The following ATP2A3 variants were observed in gnomAD, a reference collection of about 807,000 sequenced individuals.
ATP2A3 encodes sarcoplasmic/endoplasmic reticulum calcium ATPase 3.
Under a neutral mutation model 106.8 loss-of-function variants are expected in ATP2A3, and 61 were observed. The observed-to-expected ratio is 0.57, with a 90% CI of 0.46 to 0.71. The LOEUF (loss-of-function observed/expected upper bound fraction) is 0.71. Ranked by LOEUF, ATP2A3 falls within the 30% of genes least tolerant of loss-of-function variation. The pLI is 0.00. For missense variants in ATP2A3, 1,201 were observed against 1,423.5 expected, an observed-to-expected ratio of 0.84 and a Z score of 2.52; for synonymous variants, 611 against 609.3, an observed-to-expected ratio of 1.00 and a Z score of -0.04.
rs748026722 is a variant in ATP2A3 at position 3,943,411 on chromosome 17, G to A, written c.1399C>T (p.Arg467Ter). ...TDLQALSRVE[R>*]AGACNTVIKQ... is the part of the protein sequence containing the mutation. ...CTCACCGTGTTACAGGCGCCAGCTC[G>A]CTCCACCCGGGACAGAGCCTGCAGG... Residue 467 changes from arginine (R) to a stop codon, truncating the protein, a stop_gained, in exon 11 of 21, where the codon CGA becomes TGA. Coordinates refer to ENST00000397041, the MANE Select transcript of ATP2A3 (RefSeq NM_005173.4). LOFTEE classifies it high-confidence loss of function. 12 of 1,613,776 alleles carry A rather than the reference G, an allele frequency of 7.4e-6. No homozygotes were observed. The highest frequency in any genetic ancestry group is 1.0e-5 in the Non-Finnish European group (12 of 1,179,966).
At chr17:3,945,233 C>A in intron 8 of ATP2A3, 85 bp from the exon 9 acceptor site, 1 of 1,347,456 alleles carries the variant, frequency 7.4e-7, no homozygotes, top group Non-Finnish European at 1.0e-6. Context: ...TGGGGTCCTG[C>A]AGGCCCCCTG....
Position 3,925,837 on chromosome 17 carries a change from T to C in ATP2A3, c.2981-396A>G, listed in dbSNP as rs1477355101. On this transcript the variant is annotated intron_variant, in intron 20 of 20. Coordinates refer to ENST00000397041, the MANE Select transcript of ATP2A3 (RefSeq NM_005173.4). The surrounding 1 kb of genome is among the most constrained non-coding windows in gnomAD (Gnocchi z 4.2). ...CGAGAGCTCATCTCTCCCACTGCCT[T>C]CCCCAACCAGGCCTCAAGGCCTCAA... Among the ~76,000 whole-genome samples, 1 of 151,366 alleles carries C rather than the reference T, an allele frequency of 6.6e-6. No homozygotes were observed. Among genetic ancestry groups the C allele is most frequent in the African/African-American group, 2.4e-5 (1 of 41,066 alleles).
At chr17:3,959,216 T>C (rs2055000925) in intron 1 of ATP2A3, among the ~76,000 whole-genome samples, 3 of 152,138 alleles carry the variant, frequency 2.0e-5, no homozygotes, top group South Asian at 4.1e-4. Flanking sequence ...TCCAACATTT[T>C]GCTTGTGCCA....
intron 1 of ATP2A3, among the ~76,000 whole-genome samples, chr17:3,956,612 C>A (rs2054796222): frequency 6.6e-6 from 1 of 152,200 alleles, no homozygotes. Flanking sequence ...TCTCCTACAG[C>A]AGCCAGCAGC....
rs769717405 is a variant in ATP2A3 at position 3,951,653 on chromosome 17, G to A, written c.252C>T (p.Thr84=). 5 of 1,611,320 alleles carry A rather than the reference G, an allele frequency of 3.1e-6. No homozygotes were observed. The highest frequency in any genetic ancestry group is 2.2e-5 in the East Asian group (1 of 44,844). The change falls in exon 4 of 21, where the codon ACC becomes ACT. Residue 84 remains threonine (T), a synonymous_variant. Coordinates refer to ENST00000397041, the MANE Select transcript of ATP2A3 (RefSeq NM_005173.4). ...VLAWFEEGEE[T]TTAFVEPLVI... ...CCAGGGGCTCCACGAAGGCGGTCGT[G>A]GTCTCCTCGCCCTCCTCGAACCAGG...
intron 14 of ATP2A3, among the ~76,000 whole-genome samples, chr17:3,939,879 T>A (rs2053648281): frequency 6.7e-6 from 1 of 148,990 alleles, no homozygotes; most frequent in Non-Finnish European, 1.5e-5. Flanking sequence ...GTCCATACTG[T>A]ATGATTCCAT....
chr17:3,931,791 G>A (rs1481253697), intron 17 of ATP2A3, among the ~76,000 whole-genome samples: 3 of 152,304 alleles, frequency 2.0e-5, no homozygotes, highest in South Asian at 4.1e-4. Flanking sequence ...AAAGTGCTGG[G>A]ATTACAGGCG....
In ATP2A3 at chr17:3,930,567, G is replaced by A; in HGVS notation, c.2611-133C>T. ...GCACACAAAACACTGCCGTGGGGTG[G>A]GCTGGGGATCCCGGGAGGGGTGCGG... On this transcript the variant is annotated intron_variant, in intron 17 of 20. Transcript: ENST00000397041. The surrounding 1 kb of genome is among the most constrained non-coding windows in gnomAD (Gnocchi z 5.4). 3 of 1,384,236 alleles carry A rather than the reference G, an allele frequency of 2.2e-6. No homozygotes were observed. Among genetic ancestry groups the A allele is most frequent in the Admixed American group, 2.0e-5 (1 of 51,138 alleles). 85.7% of individuals were successfully genotyped at this position (1,384,236 alleles called of 1,614,324 possible).
In ATP2A3 at chr17:3,924,621, C is replaced by T. The variant is rs945205388; in HGVS notation, c.*801G>A. The T allele has an allele frequency of 9.9e-5, 37 of 373,584 alleles. No individual in the cohort carries two copies. Among genetic ancestry groups the T allele is most frequent in the Non-Finnish European group, 1.4e-4 (26 of 185,978 alleles). 23.1% of individuals were successfully genotyped at this position (373,584 alleles called of 1,614,324 possible). A position where few individuals can be genotyped will look rare whatever the true frequency, so the allele number is the denominator to read the frequency against. ...TTGGACCTCTGCGTGGCAGACCGGG[C>T]GGCAGTGTGACTCTGAACATCTCCC... is the stretch of plus-strand genomic sequence containing the variant. On this transcript the variant is annotated 3_prime_UTR_variant, in exon 21 of 21. Coordinates refer to ENST00000397041, the MANE Select transcript of ATP2A3 (RefSeq NM_005173.4). The surrounding 1 kb of genome is among the most constrained non-coding windows in gnomAD (Gnocchi z 6.4).
intron 17 of ATP2A3, among the ~76,000 whole-genome samples, chr17:3,933,661 G>C (rs971271009): frequency 6.6e-6 from 1 of 151,088 alleles, no homozygotes; most frequent in Non-Finnish European, 1.5e-5. Flanking sequence ...ACTTGAACCC[G>C]GGAGGTGGAG....
In ATP2A3 at chr17:3,945,139, C is replaced by A. The variant is rs1290823296; in HGVS notation, c.1105G>T (p.Val369Leu). 1 of 1,547,842 alleles carries A rather than the reference C, an allele frequency of 6.5e-7. No homozygotes were observed. The highest frequency in any genetic ancestry group is 2.0e-5 in the Admixed American group (1 of 50,934). The change falls in exon 9 of 21, where the codon GTA becomes TTA. Residue 369 changes from valine (V) to leucine (L), a missense_variant. This residue lies in a region of ATP2A3 where 935 missense variants were observed against 1,176.7 expected (regional missense o/e 0.79). Coordinates refer to ENST00000397041, the MANE Select transcript of ATP2A3 (RefSeq NM_005173.4). ...CAGGAGCCCGCATCGGCCTCGGCTACCACGAACATCTGGGGAGCGCAGGGG... is the reference window on the plus strand; with the variant it reads ...CAGGAGCCCGCATCGGCCTCGGCTAACACGAACATCTGGGGAGCGCAGGGG... ...NQMSVCRMFVVAEADAGSCLL... is the reference protein window; with the variant it reads ...NQMSVCRMFVLAEADAGSCLL...
chr17:3,940,056 T>TG (rs1373531622), intron 14 of ATP2A3, among the ~76,000 whole-genome samples: 3 of 142,438 alleles, frequency 2.1e-5, no homozygotes, highest in Non-Finnish European at 4.5e-5. Context: ...TTTTGTTTTT[T>TG]TTTTTTTTGG....
rs572561369 is a variant in ATP2A3 at position 3,943,814 on chromosome 17, G to C, written c.1288-292C>G. Among the ~76,000 whole-genome samples the C allele has an allele frequency of 2.5e-3, 378 of 151,968 alleles. 1 individual carries two copies. Among genetic ancestry groups the C allele is most frequent in the Middle Eastern group, 0.014 (4 of 292 alleles). On this transcript the variant is annotated intron_variant, in intron 10 of 20. Transcript: ENST00000397041. ...TCACCGGTTTCTGCTGTCTGGGCCC[G>C]CTTCCACCCTCCCACCTGCTCTCCC...
rs1270270517 is a variant in ATP2A3 at position 3,947,757 on chromosome 17, C to T, written c.729G>A (p.Glu243=). 1.0e-5 allele frequency: 16 copies of T among 1,605,494 alleles called. No homozygotes were observed. The highest frequency in any genetic ancestry group is 1.3e-5 in the Non-Finnish European group (15 of 1,179,808). The change falls in exon 8 of 21, where the codon GAG becomes GAA. Residue 243 remains glutamate (E), a synonymous_variant. Coordinates refer to ENST00000397041, the MANE Select transcript of ATP2A3 (RefSeq NM_005173.4). The surrounding 1 kb of genome is among the most constrained non-coding windows in gnomAD (Gnocchi z 7.7). The part of the protein sequence containing the change: ...GKIRSQMAAV[E]PERTPLQRKL... ...TGCGCTGCAGCGGCGTCCGCTCGGG[C>T]TCGACTGCCGCCATCTGGCTCCGGA... is the stretch of plus-strand genomic sequence containing the variant.
chr17:3,924,874 G>T lies in ATP2A3; in HGVS notation c.*548C>A, dbSNP rs1049552278. 8 of 456,896 alleles carry T rather than the reference G, an allele frequency of 1.8e-5. No homozygotes were observed. In the Admixed American group the frequency reaches 1.9e-4, roughly 11 times the overall value. The allele number at this position is 456,896 out of a possible 1,614,324, so 28.3% of individuals were successfully genotyped here. A position where few individuals can be genotyped will look rare whatever the true frequency, so the allele number is the denominator to read the frequency against. ...GTGGAAGCAGAGTGGAGTGGAGGGG[G>T]CTGCCCACCCTCGCTGTACACAGCT... On this transcript the variant is annotated 3_prime_UTR_variant, in exon 21 of 21. Coordinates refer to ENST00000397041, the MANE Select transcript of ATP2A3 (RefSeq NM_005173.4). This position sits in a 1 kb window ranked among gnomAD's most constrained non-coding sequence, Gnocchi z 6.4.
Position 3,925,428 on chromosome 17 carries a change from C to G in ATP2A3, c.2994G>C (p.Gln998His). 1 of 1,613,804 alleles carries G rather than the reference C, an allele frequency of 6.2e-7. No individual in the cohort carries two copies. The highest frequency in any genetic ancestry group is 8.5e-7 in the Non-Finnish European group (1 of 1,179,940). Residue 998 changes from glutamine (Q) to histidine (H), a missense_variant, in exon 21 of 21, where the codon CAG becomes CAC. Physicochemically the swap from Gln to His is conservative, Grantham distance 24 (BLOSUM62 0). Transcript: ENST00000397041. The surrounding 1 kb of genome is among the most constrained non-coding windows in gnomAD (Gnocchi z 4.2). ...TCCACTCTGTTCCCAGCGCTCACTT[C>G]TGGCTCATTTCTTCTGGAAGAAAAA... is the stretch of plus-strand genomic sequence containing the variant. ...SRNHMHEEMS[Q>H]K
chr17:3,935,178 C>A lies in ATP2A3; in HGVS notation c.2610+14G>T. Reference sequence around the variant, plus strand: ...CTGTAAGTTCAACAGGCTCCCTGGCCAGCCCTTGCTCACCAGCTGGTAGAA... The same window carrying A: ...CTGTAAGTTCAACAGGCTCCCTGGCAAGCCCTTGCTCACCAGCTGGTAGAA... On this transcript the variant is annotated intron_variant, in intron 17 of 20. Coordinates refer to ENST00000397041, the MANE Select transcript of ATP2A3 (RefSeq NM_005173.4). 1 of 1,613,922 alleles carries A rather than the reference C, an allele frequency of 6.2e-7. No individual in the cohort carries two copies. Among genetic ancestry groups the A allele is most frequent in the Non-Finnish European group, 8.5e-7 (1 of 1,179,900 alleles).
intron 20 of ATP2A3, chr17:3,927,026 C>T: frequency 1.0e-6 from 1 of 985,488 alleles, no homozygotes; most frequent in Non-Finnish European, 1.2e-6. Flanking sequence ...CCCCTCTGCC[C>T]TGCATGCTGA....
At position 3,951,135 on chromosome 17, in the gene ATP2A3, T is replaced by A. The variant is rs545297985; in HGVS notation, c.463+116A>T. 62 of 1,057,042 alleles carry A rather than the reference T, an allele frequency of 5.9e-5. No individual in the cohort carries two copies. In the Middle Eastern group the frequency reaches 1.1e-3, roughly 18 times the overall value. 65.5% of individuals were successfully genotyped at this position (1,057,042 alleles called of 1,614,324 possible). On this transcript the variant is annotated intron_variant, in intron 5 of 20. Coordinates refer to ENST00000397041, the MANE Select transcript of ATP2A3 (RefSeq NM_005173.4). ...TTGCAGTGAGCCGAGATTGCGCCAC[T>A]GCACTCCAGTCTGGGCAACAGAGCA...
Sources: gnomAD v4.1 joint callset for allele counts (sites outside exome capture counted in the v4.1 genomes callset) on GRCh38, gnomAD v4.1.1 for gene constraint, gnomAD v4.1.1 regional missense constraint, Gnocchi (gnomAD v3.1) non-coding constraint, MANE v1.5 for transcripts, NCBI Gene and HGNC (gene_info 2026-07-23, HGNC 2026-07-21) for gene names.